Variants in ATP11B observed in about 807,000 individuals in gnomAD.
ATP11B encodes the protein phospholipid-transporting ATPase IF.
A neutral mutation model predicts 157.8 loss-of-function variants in ATP11B; 81 were observed. The ratio of observed to expected loss-of-function variants is 0.51; its 90% CI spans 0.43 to 0.62. The LOEUF (loss-of-function observed/expected upper bound fraction) is 0.62, where lower values mean the gene tolerates loss of function less well. Among genes scored for constraint, ATP11B ranks in the 20% least tolerant of loss-of-function variants. ATP11B has a pLI of 0.00. For missense variants in ATP11B, 1,165 were observed against 1,402.2 expected, an observed-to-expected ratio of 0.83 and a Z score of 2.70; for synonymous variants, 451 against 469.4, an observed-to-expected ratio of 0.96 and a Z score of 0.51.
rs148267475 is a variant in ATP11B at position 182,849,882 on chromosome 3, C to A, written c.851+1325C>A. ...TAAAATTTGAGGAAGAAACTTCAGCCTACGCTACCAAGATCAGCAAACTCT... is the reference window on the plus strand; with the variant it reads ...TAAAATTTGAGGAAGAAACTTCAGCATACGCTACCAAGATCAGCAAACTCT... On this transcript the variant is annotated intron_variant, in intron 10 of 29. Coordinates refer to ENST00000323116, the MANE Select transcript of ATP11B (RefSeq NM_014616.3). Among the ~76,000 whole-genome samples, 176 of 152,112 alleles carry A rather than the reference C, an allele frequency of 1.2e-3. 2 individuals are homozygous for A. In the East Asian group the frequency reaches 0.021, roughly 19 times the overall value.
At chr3:182,866,575 A>T in intron 14 of ATP11B, 132 bp downstream of exon 14, 1 of 676,868 alleles carries the variant, frequency 1.5e-6, no homozygotes, top group Non-Finnish European at 2.2e-6. Context: ...TAAATACATA[A>T]AAATAGAAGT....
chr3:182,879,483 T>A lies in ATP11B; in HGVS notation c.2253-13T>A. On this transcript the variant is annotated splice_polypyrimidine_tract_variant and intron_variant, in intron 19 of 29. Transcript: ENST00000323116. ...AAGTATCTTACAGAGAATATAATTA[T>A]TTTCTCTTTTAGAATTACAGAGGAT... 4 of 1,589,100 alleles carry A rather than the reference T, an allele frequency of 2.5e-6. No individual in the cohort carries two copies. Among genetic ancestry groups the A allele is most frequent in the Non-Finnish European group, 3.4e-6 (4 of 1,171,204 alleles).
intron 19 of ATP11B, among the ~76,000 whole-genome samples, chr3:182,876,241 T>G (rs1722031762): frequency 1.3e-5 from 2 of 152,184 alleles, no homozygotes; most frequent in South Asian, 4.1e-4. Context: ...TTTTTCTGAT[T>G]ATAAAAATAA....
chr3:182,819,382 A>G (rs1039638597), intron 1 of ATP11B, among the ~76,000 whole-genome samples: 1 of 152,082 alleles, frequency 6.6e-6, no homozygotes, highest in African/African-American at 2.4e-5. Flanking sequence ...CTTTTTTCTA[A>G]TATTTCAAAA....
chr3:182,845,620 T>C (rs1180744134), intron 9 of ATP11B, 98 bp downstream of exon 9: 12 of 716,310 alleles, frequency 1.7e-5, no homozygotes, highest in Non-Finnish European at 2.3e-5. Flanking sequence ...TTAGATAATT[T>C]ATTAATTATT....
At chr3:182,915,806 GGTAGCTATT>G in intron 29 of ATP11B, 24 of 981,912 alleles carry the variant, frequency 2.4e-5, no homozygotes, top group Non-Finnish European at 2.8e-5. Flanking sequence ...TTCTCTTGAA[GGTAGCTATT>G]ATCATCTATA....
chr3:182,886,099 T>C (rs1358094138), intron 23 of ATP11B, 89 bp downstream of exon 23: 1 of 840,526 alleles, frequency 1.2e-6, no homozygotes, highest in South Asian at 3.0e-5. Context: ...GAAGGGACTT[T>C]TTTCATTTTT....
intron 4 of ATP11B, chr3:182,833,993 A>C (rs2108508908): frequency 6.6e-6 from 1 of 152,338 alleles, no homozygotes; most frequent in African/African-American, 2.4e-5. Flanking sequence ...AGAATCACTG[A>C]AGGGGTTCTG....
intron 20 of ATP11B, 29 bp from the exon 21 acceptor site, chr3:182,880,850 A>G (rs1372127675): frequency 2.1e-6 from 3 of 1,460,838 alleles, no homozygotes; most frequent in South Asian, 2.6e-5. Flanking sequence ...AACTTGCGTC[A>G]TAAATAACCA....
At chr3:182,914,365 C>T (rs1465660343) in intron 29 of ATP11B, 2 of 983,246 alleles carry the variant, frequency 2.0e-6, no homozygotes, top group East Asian at 1.1e-4. Context: ...AATTTTTTTG[C>T]TTTTTGTCTT....
intron 2 of ATP11B, 69 bp downstream of exon 2, chr3:182,820,445 A>G (rs111536124): frequency 9.3e-7 from 1 of 1,075,358 alleles, no homozygotes; most frequent in Admixed American, 1.7e-5. Flanking sequence ...GCACTTTGGG[A>G]GGCCAAGGCG....
intron 7 of ATP11B, 148 bp from the exon 8 acceptor site, chr3:182,841,927 C>G: frequency 2.1e-6 from 1 of 481,490 alleles, no homozygotes; most frequent in Non-Finnish European, 3.6e-6. Context: ...TGCAGTGAGC[C>G]GAGATCGCAC....
At chr3:182,837,219 G>A in intron 7 of ATP11B, 45 bp downstream of exon 7, 1 of 1,327,422 alleles carries the variant, frequency 7.5e-7, no homozygotes. Flanking sequence ...CCTATTTACA[G>A]ACCTCATTTT....
chr3:182,833,583 C>G (rs1443339761), intron 4 of ATP11B: 2 of 152,116 alleles, frequency 1.3e-5, no homozygotes, highest in Non-Finnish European at 2.9e-5. Context: ...CTCCCTTCGG[C>G]CTCCCAAAGT....
chr3:182,803,241 A>C (rs535059754), intron 1 of ATP11B, among the ~76,000 whole-genome samples: 1 of 152,260 alleles, frequency 6.6e-6, no homozygotes, highest in African/African-American at 2.4e-5. Flanking sequence ...GACTTGAAAA[A>C]ACGTACCAGT....
At chr3:182,836,238 C>A in intron 5 of ATP11B, 96 bp downstream of exon 5, 1 of 1,562,296 alleles carries the variant, frequency 6.4e-7, no homozygotes. Context: ...AGCCTACTTT[C>A]CTATGCTAAA....
chr3:182,819,325 C>T (rs1717178554), intron 1 of ATP11B, among the ~76,000 whole-genome samples: 1 of 152,108 alleles, frequency 6.6e-6, no homozygotes, highest in Non-Finnish European at 1.5e-5. Context: ...CCCGCCTCAG[C>T]CTCCCAAAGT....
rs539736837 is a variant in ATP11B, at chr3:182,800,151, C to T, written c.27+6365C>T. Among the ~76,000 whole-genome samples the T allele has an allele frequency of 6.6e-5, 10 of 151,972 alleles. No individual in the cohort carries two copies. The East Asian group carries it at 1.9e-3, about 29-fold the overall frequency. The stretch of plus-strand genomic sequence containing the variant: ...AAAAAAAGAAAGAAACAAAAACATT[C>T]TTGATTGGATATTTATATGGGAAAT... On this transcript the variant is annotated intron_variant, in intron 1 of 29. Coordinates refer to ENST00000323116, the MANE Select transcript of ATP11B (RefSeq NM_014616.3).
Position 182,873,923 on chromosome 3 carries a change from T to C in ATP11B, c.2160T>C (p.Cys720=). 6.2e-7 allele frequency: 1 copy of C among 1,614,196 alleles called. No homozygotes were observed. Among genetic ancestry groups the C allele is most frequent in the Non-Finnish European group, 8.5e-7 (1 of 1,180,026 alleles). ...CAGCTGTTAGTGTGAGTTTATCATG[T>C]GGCCATTTTCATAGAACCATGAACA... ...HETAVSVSLS[C]GHFHRTMNIL... is the part of the protein sequence containing the mutation. The change falls in exon 19 of 30, where the codon TGT becomes TGC. Residue 720 remains cysteine, a synonymous_variant. Transcript: ENST00000323116.
Sources: gnomAD v4.1 joint callset for allele counts (sites outside exome capture counted in the v4.1 genomes callset) on GRCh38, gnomAD v4.1.1 for gene constraint, MANE v1.5 for transcripts, NCBI Gene and HGNC (gene_info 2026-07-23, HGNC 2026-07-21) for gene names.